The following TEK variants were observed in gnomAD, a reference collection of about 807,000 sequenced individuals.
TEK encodes the protein TEK receptor tyrosine kinase, also known as angiopoietin-1 receptor.
Under a neutral mutation model 131.8 loss-of-function variants are expected in TEK, and 43 were observed. That is an observed-to-expected ratio of 0.33 (90% CI 0.26 to 0.42). TEK has a LOEUF of 0.42. TEK is among the 10% of genes least tolerant of loss of function. The pLI, the probability that TEK is intolerant of heterozygous loss-of-function variation, is 1.00. For missense variants in TEK, 1,162 were observed against 1,384.4 expected, an observed-to-expected ratio of 0.84 and a Z score of 2.55; for synonymous variants, 580 against 491.6, an observed-to-expected ratio of 1.18 and a Z score of -2.38.
rs1016847873 is a variant in TEK at position 27,183,243 on chromosome 9, G to A, written c.1031-216G>A. 5.3e-5 allele frequency among the ~76,000 whole-genome samples: 8 copies of A among 152,248 alleles called. No individual in the cohort carries two copies. The South Asian group carries it at 1.7e-3, about 32-fold the overall frequency. Reference sequence around the variant, plus strand: ...GGACTCTGGATTTATAAAGATCTGAGTCTGAATCTGGGCTGTGAGCCTCTG... The same window carrying A: ...GGACTCTGGATTTATAAAGATCTGAATCTGAATCTGGGCTGTGAGCCTCTG... On this transcript the variant is annotated intron_variant, in intron 7 of 22. Coordinates refer to ENST00000380036, the MANE Select transcript of TEK (RefSeq NM_000459.5).
In TEK at chr9:27,229,336, T is replaced by TACAGC; in HGVS notation, c.*107_*108insGCACA. ...TGCCAAAGGATGTGATATATAAGTG[T>TACAGC]ACATATGTGCTGTACACCTGGGACC... On this transcript the variant is annotated 3_prime_UTR_variant, in exon 23 of 23. Transcript: ENST00000380036. 1 of 1,116,546 alleles carries TACAGC rather than the reference T, an allele frequency of 9.0e-7. No homozygotes were observed. Among genetic ancestry groups the TACAGC allele is most frequent in the Non-Finnish European group, 1.4e-6 (1 of 732,194 alleles). The allele number at this position is 1,116,546 out of a possible 1,614,324, so 69.2% of individuals were successfully genotyped here.
At chr9:27,212,236 C>T (rs1239416431) in intron 16 of TEK, among the ~76,000 whole-genome samples, 1 of 152,046 alleles carries the variant, frequency 6.6e-6, no homozygotes, top group Non-Finnish European at 1.5e-5. Context: ...TGGCTCCTTC[C>T]ACATGGATAT....
At position 27,152,412 on chromosome 9, in the gene TEK, G is replaced by GAA. The variant is rs10554773; in HGVS notation, c.53-5406_53-5405dup. 1.3e-3 allele frequency among the ~76,000 whole-genome samples: 190 copies of GAA among 142,978 alleles called. 2 individuals are homozygous for GAA. Among genetic ancestry groups the GAA allele is most frequent in the African/African-American group, 4.5e-3 (180 of 39,870 alleles). The allele number at this position is 142,978 out of a possible 152,430, so 93.8% of individuals were successfully genotyped here. A position where few individuals can be genotyped will look rare whatever the true frequency, so the allele number is the denominator to read the frequency against. The stretch of plus-strand genomic sequence containing the variant: ...GCAGCTGTATGTGAACTGGAATGTG[G>GAA]AAAAAAAAAAAAAAGCTAATTGGAG... On this transcript the variant is annotated intron_variant, in intron 1 of 22. Transcript: ENST00000380036.
At chr9:27,225,418 G>A (rs951762329) in intron 21 of TEK, among the ~76,000 whole-genome samples, 3 of 152,082 alleles carry the variant, frequency 2.0e-5, no homozygotes, top group Admixed American at 6.6e-5. Context: ...CAAGACAGAG[G>A]CCTCAGGAAT....
Position 27,183,683 on chromosome 9 carries a change from T to C in TEK, c.1182+73T>C, listed in dbSNP as rs145070936. 170 of 1,571,446 alleles carry C rather than the reference T, an allele frequency of 1.1e-4. 1 individual carries two copies. In the African/African-American group the frequency reaches 1.2e-3, roughly 11 times the overall value. ...GTGTAGTAATCACCCCACTAAATGA[T>C]AGATACCATTCAGTGCTTTTATCCT... On this transcript the variant is annotated intron_variant, in intron 8 of 22. Transcript: ENST00000380036.
intron 1 of TEK, among the ~76,000 whole-genome samples, chr9:27,111,223 G>C (rs1172350505): frequency 1.2e-5 from 1 of 86,418 alleles, no homozygotes; most frequent in East Asian, 3.4e-4. Flanking sequence ...AAAAGGCAGA[G>C]GACCAAGGAG....
chr9:27,192,608 A>C lies in TEK; in HGVS notation c.1609A>C (p.Thr537Pro). Residue 537 changes from threonine (T) to proline (P), a missense_variant, in exon 11 of 23, where the codon ACA becomes CCA. Transcript: ENST00000380036. The stretch of plus-strand genomic sequence containing the variant: ...GCATCCTGGACCTGTGAGACGCTTC[A>C]CAACAGCTTCTATCGGTCAGTGGAA... ...EGHPGPVRRFTTASIGLPPPR... is the reference protein window; with the variant it reads ...EGHPGPVRRFPTASIGLPPPR... 6.2e-7 allele frequency: 1 copy of C among 1,613,618 alleles called. No individual in the cohort carries two copies. Among genetic ancestry groups the C allele is most frequent in the South Asian group, 1.1e-5 (1 of 91,068 alleles).
At chr9:27,120,546 G>T (rs1360244507) in intron 1 of TEK, among the ~76,000 whole-genome samples, 2 of 152,272 alleles carry the variant, frequency 1.3e-5, no homozygotes, top group East Asian at 3.8e-4. Context: ...CTACAAGGAT[G>T]CATTGTCAAG....
At chr9:27,228,749 A>C (rs568940540) in intron 22 of TEK, among the ~76,000 whole-genome samples, 1 of 152,298 alleles carries the variant, frequency 6.6e-6, no homozygotes, top group South Asian at 2.1e-4. Flanking sequence ...GTCAAAATAA[A>C]AGTAAACACA....
intron 4 of TEK, among the ~76,000 whole-genome samples, chr9:27,170,520 C>A (rs1418920665): frequency 6.6e-6 from 1 of 152,074 alleles, no homozygotes; most frequent in Non-Finnish European, 1.5e-5. Context: ...AGCTATTTGA[C>A]AGGTTGAGGT....
chr9:27,148,489 G>C (rs1200428260), intron 1 of TEK, among the ~76,000 whole-genome samples: 1 of 152,198 alleles, frequency 6.6e-6, no homozygotes, highest in Non-Finnish European at 1.5e-5. Flanking sequence ...CCTCTAGCGG[G>C]TTAGTCTTGG....
intron 1 of TEK, among the ~76,000 whole-genome samples, chr9:27,137,330 G>A (rs542757670): frequency 1.2e-3 from 185 of 152,300 alleles, no homozygotes; most frequent in Non-Finnish European, 2.2e-3. Context: ...ATCTATGGAA[G>A]ATAAATCATT....
intron 1 of TEK, among the ~76,000 whole-genome samples, chr9:27,137,931 A>G (rs1029078166): frequency 1.3e-5 from 2 of 152,128 alleles, no homozygotes; most frequent in African/African-American, 4.8e-5. Flanking sequence ...TGGTGTGTCC[A>G]GAGTTTGTTC....
intron 1 of TEK, among the ~76,000 whole-genome samples, chr9:27,141,964 T>C (rs1587509115): frequency 6.6e-6 from 1 of 152,238 alleles, no homozygotes; most frequent in East Asian, 1.9e-4. Flanking sequence ...ACCATTGAGA[T>C]TTCAGCTGCA....
At chr9:27,211,432 CTTTTTTTTTTTT>C (rs138801213) in intron 16 of TEK, among the ~76,000 whole-genome samples, 1 of 70,526 alleles carries the variant, frequency 1.4e-5, no homozygotes, top group Non-Finnish European at 2.7e-5. Context: ...ATCTTTCAAG[CTTTTTTTTTTTT>C]TTTTTTTTTT....
intron 1 of TEK, among the ~76,000 whole-genome samples, chr9:27,132,222 G>C (rs562955383): frequency 1.3e-3 from 203 of 151,926 alleles, no homozygotes; most frequent in Middle Eastern, 6.8e-3. Context: ...TGAGTAGCTA[G>C]GATCACAGGC....
intron 22 of TEK, among the ~76,000 whole-genome samples, 172 bp downstream of exon 22, chr9:27,228,477 G>T (rs1173953965): frequency 1.3e-5 from 2 of 152,080 alleles, no homozygotes; most frequent in Non-Finnish European, 2.9e-5. Context: ...TACAATTTTG[G>T]GGGGAAATAA....
At position 27,130,438 on chromosome 9, in the gene TEK, A is replaced by C. The variant is rs12376724; in HGVS notation, c.52+20796A>C. On this transcript the variant is annotated intron_variant, in intron 1 of 22. Coordinates refer to ENST00000380036, the MANE Select transcript of TEK (RefSeq NM_000459.5). ...CCATCAAAGGGAGAAGATGGAAATG[A>C]ATATATATTGAATTTTCATATGGGA... is the stretch of plus-strand genomic sequence containing the variant. Among the ~76,000 whole-genome samples the C allele has an allele frequency of 4.3e-3, 658 of 152,266 alleles. 4 individuals carry two copies. The highest frequency in any genetic ancestry group is 6.9e-3 in the Non-Finnish European group (469 of 68,016).
intron 3 of TEK, among the ~76,000 whole-genome samples, chr9:27,168,874 C>T (rs1823841927): frequency 6.6e-6 from 1 of 152,218 alleles, no homozygotes; most frequent in South Asian, 2.1e-4. Flanking sequence ...ATCCCAACTT[C>T]AGCCATATAA....
Sources: gnomAD v4.1 joint callset for allele counts (sites outside exome capture counted in the v4.1 genomes callset) on GRCh38, gnomAD v4.1.1 for gene constraint, MANE v1.5 for transcripts, NCBI Gene and HGNC (gene_info 2026-07-23, HGNC 2026-07-21) for gene names.